Variants in MAPKAPK2 observed in about 807,000 individuals in gnomAD.
The protein encoded by MAPKAPK2 is MAP kinase-activated protein kinase 2.
MAPKAPK2 carries 9 observed loss-of-function variants against 48.8 expected under a neutral mutation model. That is an observed-to-expected ratio of 0.18 (90% CI 0.11 to 0.32). MAPKAPK2 has a LOEUF of 0.32. Ranked by LOEUF, MAPKAPK2 falls within the 10% of genes least tolerant of loss-of-function variation. The probability of loss-of-function intolerance (pLI) is 1.00; values close to 1 mark genes in which losing one functional copy is unlikely to be tolerated. For synonymous variants in MAPKAPK2, 202 were observed against 190.6 expected, an observed-to-expected ratio of 1.06 and a Z score of -0.49; for missense variants, 331 against 498.3, an observed-to-expected ratio of 0.66 and a Z score of 3.20.
intron 1 of MAPKAPK2, among the ~76,000 whole-genome samples, chr1:206,715,460 T>A (rs900734179): frequency 2.6e-5 from 4 of 152,192 alleles, no homozygotes; most frequent in African/African-American, 7.2e-5. Context: ...TGTGGCTGCC[T>A]CCTCCTGGTT....
chr1:206,697,031 T>G (rs1208221424), intron 1 of MAPKAPK2, among the ~76,000 whole-genome samples: 1 of 152,234 alleles, frequency 6.6e-6, no homozygotes, highest in Non-Finnish European at 1.5e-5. Context: ...ACCTTCTATT[T>G]CTGCTTACAG....
intron 1 of MAPKAPK2, among the ~76,000 whole-genome samples, chr1:206,698,902 T>C (rs1466472411): frequency 6.6e-6 from 1 of 152,208 alleles, no homozygotes; most frequent in Non-Finnish European, 1.5e-5. Flanking sequence ...TATTAATAAG[T>C]GTGTCTAACT....
intron 1 of MAPKAPK2, among the ~76,000 whole-genome samples, chr1:206,713,877 G>A (rs1673235824): frequency 6.6e-6 from 1 of 151,370 alleles, no homozygotes; most frequent in South Asian, 2.1e-4. Context: ...AAAAGAGAAA[G>A]CACACAAGAG....
chr1:206,731,251 T>C lies in MAPKAPK2; in HGVS notation c.881T>C (p.Val294Ala). Residue 294 changes from valine to alanine, a missense_variant, in exon 7 of 10, where the codon GTA becomes GCA. Physicochemically the swap from Val to Ala is moderately conservative, Grantham distance 64. This residue lies in a region of MAPKAPK2 where 124 missense variants were observed against 194.6 expected (regional missense o/e 0.64). Coordinates refer to ENST00000367103, the MANE Select transcript of MAPKAPK2 (RefSeq NM_032960.4). The surrounding 1 kb of genome is among the most constrained non-coding windows in gnomAD (Gnocchi z 5.9). ...TTTCCCAACCCAGAATGGTCAGAAG[T>C]ATCAGAGGAAGGTAAGAACCCAGGC... ...YEFPNPEWSE[V>A]SEEVKMLIRN... The C allele has an allele frequency of 6.2e-7, 1 of 1,614,074 alleles. No homozygotes were observed. The highest frequency in any genetic ancestry group is 8.5e-7 in the Non-Finnish European group (1 of 1,180,012).
rs1054143122 is a variant in MAPKAPK2 at position 206,733,540 on chromosome 1, T to G, written c.*822T>G. On this transcript the variant is annotated 3_prime_UTR_variant, in exon 10 of 10. Transcript: ENST00000367103. The stretch of plus-strand genomic sequence containing the variant: ...CTGGGTTCCGGGAGGCAGAGAGGAG[T>G]GACCGGGCACTGGCACTGCGATCAG... 14 of 151,984 alleles carry G rather than the reference T, an allele frequency of 9.2e-5. No homozygotes were observed. Among genetic ancestry groups the G allele is most frequent in the Non-Finnish European group, 2.1e-4 (14 of 68,040 alleles). The allele number at this position is 151,984 out of a possible 1,614,324, so 9.4% of individuals were successfully genotyped here. A position where few individuals can be genotyped will look rare whatever the true frequency, so the allele number is the denominator to read the frequency against.
chr1:206,688,870 G>A (rs551816065), intron 1 of MAPKAPK2, among the ~76,000 whole-genome samples: 2 of 152,180 alleles, frequency 1.3e-5, no homozygotes, highest in Non-Finnish European at 2.9e-5. Flanking sequence ...TCCTGACCTC[G>A]TGATCTGCCT....
intron 1 of MAPKAPK2, among the ~76,000 whole-genome samples, chr1:206,694,316 G>T (rs1672549317): frequency 1.3e-5 from 2 of 152,136 alleles, no homozygotes; most frequent in Admixed American, 1.3e-4. Flanking sequence ...TTCAGCTAGA[G>T]TTACATACTC....
At chr1:206,726,732 G>C (rs1034072072) in intron 1 of MAPKAPK2, among the ~76,000 whole-genome samples, 1 of 152,232 alleles carries the variant, frequency 6.6e-6, no homozygotes, top group Non-Finnish European at 1.5e-5. Flanking sequence ...CCTTGGGCAT[G>C]CTACTTCTCT....
intron 1 of MAPKAPK2, among the ~76,000 whole-genome samples, chr1:206,715,632 T>TC (rs1462827637): frequency 1.3e-5 from 2 of 148,974 alleles, no homozygotes; most frequent in Non-Finnish European, 1.5e-5. Context: ...TTTCTTTCTT[T>TC]TTTTTTTTTT....
intron 1 of MAPKAPK2, among the ~76,000 whole-genome samples, chr1:206,694,185 T>C (rs993320572): frequency 6.6e-6 from 1 of 152,218 alleles, no homozygotes; most frequent in Admixed American, 6.5e-5. Context: ...TTGATACTAA[T>C]CGTGGCCTAG....
chr1:206,695,348 C>A (rs1485027208), intron 1 of MAPKAPK2, among the ~76,000 whole-genome samples: 1 of 151,926 alleles, frequency 6.6e-6, no homozygotes, highest in Non-Finnish European at 1.5e-5. Flanking sequence ...GCCCAGAGCC[C>A]AGCTCTGATC....
At chr1:206,710,488 G>T (rs1191947319) in intron 1 of MAPKAPK2, among the ~76,000 whole-genome samples, 1 of 152,200 alleles carries the variant, frequency 6.6e-6, no homozygotes, top group East Asian at 1.9e-4. Flanking sequence ...GGTAATGCTG[G>T]TAGTGAATTT....
In MAPKAPK2 at chr1:206,730,001, G is replaced by T. The variant is rs1673849144; in HGVS notation, c.594G>T (p.Arg198Ser). The change falls in exon 5 of 10, where the codon AGG (arginine) becomes AGT (serine). Residue 198 changes from arginine to serine, a missense_variant. Around this residue, in one of 4 missense-constraint regions of MAPKAPK2, gnomAD observed 111 missense variants for 193.6 expected, o/e 0.57. Transcript: ENST00000367103. ...KPENLLYTSK[R>S]PNAILKLTDF... ...AGAATCTCTTATACACCTCCAAAAG[G>T]CCCAACGCCATCCTGAAACTCACTG... 1 of 1,614,058 alleles carries T rather than the reference G, an allele frequency of 6.2e-7. No individual in the cohort carries two copies. Among genetic ancestry groups the T allele is most frequent in the African/African-American group, 1.3e-5 (1 of 74,894 alleles).
chr1:206,709,195 A>G (rs1426342890), intron 1 of MAPKAPK2, among the ~76,000 whole-genome samples: 1 of 152,094 alleles, frequency 6.6e-6, no homozygotes, highest in African/African-American at 2.4e-5. Context: ...CTGTGCACCC[A>G]ATTATTTTAG....
At chr1:206,689,166 C>G (rs1553425968) in intron 1 of MAPKAPK2, among the ~76,000 whole-genome samples, 1 of 152,178 alleles carries the variant, frequency 6.6e-6, no homozygotes, top group Non-Finnish European at 1.5e-5. Flanking sequence ...TAACTTATCT[C>G]TGTGTATCTT....
chr1:206,722,620 G>C (rs555923362), intron 1 of MAPKAPK2, among the ~76,000 whole-genome samples: 1 of 152,200 alleles, frequency 6.6e-6, no homozygotes, highest in Non-Finnish European at 1.5e-5. Flanking sequence ...TCTTGCTGCT[G>C]CAGGGCTGGC....
At position 206,704,249 on chromosome 1, in the gene MAPKAPK2, G is replaced by A. The variant is rs965868913; in HGVS notation, c.279+18741G>A. Among the ~76,000 whole-genome samples, 2 of 152,152 alleles carry A rather than the reference G, an allele frequency of 1.3e-5. No homozygotes were observed. On this transcript the variant is annotated intron_variant, in intron 1 of 9. Transcript: ENST00000367103. The surrounding 1 kb of genome is among the most constrained non-coding windows in gnomAD (Gnocchi z 4.3). ...TTTCTGGGAAATGTTGAAGATTTAC[G>A]CCTGTCTGAGTGTCTCTCACTCGTT...
intron 1 of MAPKAPK2, among the ~76,000 whole-genome samples, chr1:206,727,026 C>T (rs1309352095): frequency 1.3e-5 from 2 of 152,154 alleles, no homozygotes; most frequent in African/African-American, 4.8e-5. Flanking sequence ...TTCATGCCTT[C>T]CCTCTGCCTG....
At chr1:206,711,995 T>G (rs1673161403) in intron 1 of MAPKAPK2, among the ~76,000 whole-genome samples, 1 of 152,206 alleles carries the variant, frequency 6.6e-6, no homozygotes, top group South Asian at 2.1e-4. Flanking sequence ...AAGTGAATAT[T>G]TTTGATGGAT....
Sources: allele counts gnomAD v4.1 joint callset (sites outside exome capture counted in the v4.1 genomes callset), GRCh38; gene constraint gnomAD v4.1.1; regional missense constraint gnomAD v4.1.1; non-coding constraint Gnocchi (gnomAD v3.1); transcripts MANE v1.5; gene names NCBI Gene and HGNC (gene_info 2026-07-23, HGNC 2026-07-21).